The following HEG1 variants were observed in gnomAD, a reference collection of about 807,000 sequenced individuals.
HEG1 encodes the protein protein HEG homolog 1.
HEG1 carries 56 observed loss-of-function variants against 125.6 expected under a neutral mutation model. The observed-to-expected ratio is 0.45, with a 90% CI of 0.36 to 0.56. HEG1 has a LOEUF of 0.56. Among genes scored for constraint, HEG1 ranks in the 20% least tolerant of loss-of-function variants. The pLI, the probability that HEG1 is intolerant of heterozygous loss-of-function variation, is 0.00. For synonymous variants in HEG1, 644 were observed against 668.5 expected (o/e 0.96, Z 0.57); for missense variants, 1,523 against 1,670.0 (o/e 0.91, Z 1.53).
intron 1 of HEG1, among the ~76,000 whole-genome samples, chr3:125,042,165 T>G (rs1043336706): frequency 4.6e-5 from 7 of 152,250 alleles, no homozygotes; most frequent in African/African-American, 1.7e-4. Flanking sequence ...CAGTGGCTCA[T>G]GCCTGTAATC....
At chr3:125,045,587 G>A (rs1238947831) in intron 1 of HEG1, among the ~76,000 whole-genome samples, 1 of 152,172 alleles carries the variant, frequency 6.6e-6, no homozygotes, top group Non-Finnish European at 1.5e-5. Context: ...ACAGACAGAT[G>A]ACAGGACAGA....
intron 3 of HEG1, among the ~76,000 whole-genome samples, chr3:125,023,601 T>C (rs1051780916): frequency 1.3e-5 from 2 of 152,172 alleles, no homozygotes; most frequent in African/African-American, 4.8e-5. Flanking sequence ...AAAGAGAAAA[T>C]GTTTGGTCAA....
intron 1 of HEG1, among the ~76,000 whole-genome samples, chr3:125,053,638 C>T (rs752094540): frequency 2.0e-5 from 3 of 152,212 alleles, no homozygotes; most frequent in Non-Finnish European, 4.4e-5. Flanking sequence ...TACTCTCTCG[C>T]TGCTTTCTGG....
intron 4 of HEG1, among the ~76,000 whole-genome samples, 165 bp downstream of exon 4, chr3:125,020,627 G>T (rs1025300048): frequency 6.6e-6 from 1 of 152,148 alleles, no homozygotes; most frequent in Non-Finnish European, 1.5e-5. Context: ...ACACCTGTCT[G>T]ACTAACTTCA....
At chr3:124,973,623 T>A in intron 16 of HEG1, 108 bp downstream of exon 16, 1 of 818,604 alleles carries the variant, frequency 1.2e-6, no homozygotes, top group East Asian at 2.6e-5. Context: ...ATGCCACTAC[T>A]CTTTAACCCT....
chr3:124,987,290 T>C (rs564755183), intron 14 of HEG1, among the ~76,000 whole-genome samples: 322 of 152,294 alleles, frequency 2.1e-3, no homozygotes, highest in African/African-American at 7.4e-3. Flanking sequence ...CTGTCAGGGA[T>C]GAGAGGCCCC....
Position 124,966,518 on chromosome 3 carries a change from A to G in HEG1, c.*4134T>C, listed in dbSNP as rs1936316888. On this transcript the variant is annotated 3_prime_UTR_variant, in exon 17 of 17. Transcript: ENST00000311127. ...TCTATTTCCAAAAACACACATGAGA[A>G]CCTCAGAATGACACTTTGTTAAGGG... 1 of 152,202 alleles carries G rather than the reference A, an allele frequency of 6.6e-6. No homozygotes were observed. Among genetic ancestry groups the G allele is most frequent in the African/African-American group, 2.4e-5 (1 of 41,456 alleles). The allele number at this position is 152,202 out of a possible 1,614,324, so 9.4% of individuals were successfully genotyped here.
In HEG1 at chr3:125,019,296, G is replaced by A. The variant is rs756626503; in HGVS notation, c.1554C>T (p.Ser518=). 6 of 1,612,424 alleles carry A rather than the reference G, an allele frequency of 3.7e-6. No individual in the cohort carries two copies. The South Asian group carries it at 6.6e-5, about 18-fold the overall frequency. Residue 518 remains serine, a synonymous_variant, in exon 5 of 17, where the codon AGC becomes AGT. Coordinates refer to ENST00000311127, the MANE Select transcript of HEG1 (RefSeq NM_020733.2). ...SESSSTSSSE[S]LNSSAPRGER... ...CTCCACGTGGTGCTGATGAATTCAA[G>A]CTTTCCGAGGAAGATGTAGATGAAG...
In HEG1 at chr3:124,968,069, G is replaced by C. The variant is rs1441810019; in HGVS notation, c.*2583C>G. On this transcript the variant is annotated 3_prime_UTR_variant, in exon 17 of 17. Transcript: ENST00000311127. ...TCCTCTCACCTTCCCCCATCTGTGG[G>C]ATATTGGTGCAGGATTGTGGCATCT... The C allele has an allele frequency of 2.6e-5, 4 of 152,480 alleles. No homozygotes were observed. The highest frequency in any genetic ancestry group is 9.6e-5 in the African/African-American group (4 of 41,452). The allele number at this position is 152,480 out of a possible 1,614,324, so 9.4% of individuals were successfully genotyped here.
rs1291290020 is a variant in HEG1, at chr3:124,969,042, TAAG to T, written c.*1607_*1609del. 3.3e-5 allele frequency: 5 copies of T among 152,174 alleles called. No individual in the cohort carries two copies. Among genetic ancestry groups the T allele is most frequent in the African/African-American group, 1.2e-4 (5 of 41,424 alleles). 9.4% of individuals were successfully genotyped at this position (152,174 alleles called of 1,614,324 possible). Reference sequence around the variant, plus strand: ...AAAACCATCAGGGCCAAGGATTATGTAAGAATAGGGATTATATTTAGAGGACCT... The same window carrying T: ...AAAACCATCAGGGCCAAGGATTATGTAATAGGGATTATATTTAGAGGACCT... On this transcript the variant is annotated 3_prime_UTR_variant, in exon 17 of 17. Transcript: ENST00000311127.
rs994404472 is a variant in HEG1, at chr3:124,970,565, A to T, written c.*87T>A. Reference sequence around the variant, plus strand: ...TGCCACTCAGCGTGGCTCCCGACAAATCCTGGGCGCAGCCTCCTGGTGCGG... The same window carrying T: ...TGCCACTCAGCGTGGCTCCCGACAATTCCTGGGCGCAGCCTCCTGGTGCGG... On this transcript the variant is annotated 3_prime_UTR_variant, in exon 17 of 17. Coordinates refer to ENST00000311127, the MANE Select transcript of HEG1 (RefSeq NM_020733.2). 9.3e-6 allele frequency: 12 copies of T among 1,295,424 alleles called. No homozygotes were observed. The highest frequency in any genetic ancestry group is 6.8e-5 in the Admixed American group (3 of 44,278). The allele number at this position is 1,295,424 out of a possible 1,614,324, so 80.2% of individuals were successfully genotyped here.
intron 3 of HEG1, among the ~76,000 whole-genome samples, chr3:125,021,943 G>A (rs1937341469): frequency 6.6e-6 from 1 of 152,190 alleles, no homozygotes; most frequent in Non-Finnish European, 1.5e-5. Flanking sequence ...GACTCCAGGA[G>A]CATTTGCTCT....
intron 1 of HEG1, 130 bp from the exon 2 acceptor site, chr3:125,029,618 G>T (rs1579429356): frequency 2.4e-6 from 2 of 831,680 alleles, no homozygotes; most frequent in East Asian, 5.2e-5. Context: ...GGCCAGGCAT[G>T]ATGGCTCACA....
At chr3:124,997,172 T>C (rs1362334026) in intron 12 of HEG1, among the ~76,000 whole-genome samples, 2 of 152,098 alleles carry the variant, frequency 1.3e-5, no homozygotes, top group Non-Finnish European at 2.9e-5. Context: ...TTAGAATAAA[T>C]ATCCAATAGA....
chr3:125,043,683 C>T (rs1232571574), intron 1 of HEG1, among the ~76,000 whole-genome samples: 1 of 152,128 alleles, frequency 6.6e-6, no homozygotes, highest in Non-Finnish European at 1.5e-5. Context: ...AGCTCCCAGT[C>T]CCCTCTGGAC....
rs1470650663 is a variant in HEG1 at position 124,967,161 on chromosome 3, TA to T, written c.*3490del. On this transcript the variant is annotated 3_prime_UTR_variant, in exon 17 of 17. Transcript: ENST00000311127. ...CAAAGGAGGAAGATGTGTCAGCGTTTAAGACATTCCACTGAATATGTTCCCA... is the reference window on the plus strand; with the variant it reads ...CAAAGGAGGAAGATGTGTCAGCGTTTAGACATTCCACTGAATATGTTCCCA... The T allele has an allele frequency of 6.6e-6, 1 of 152,222 alleles. No homozygotes were observed. The highest frequency in any genetic ancestry group is 1.5e-5 in the Non-Finnish European group (1 of 68,038). 9.4% of individuals were successfully genotyped at this position (152,222 alleles called of 1,614,324 possible). A position where few individuals can be genotyped will look rare whatever the true frequency, so the allele number is the denominator to read the frequency against.
intron 8 of HEG1, among the ~76,000 whole-genome samples, chr3:125,006,314 T>C (rs1937070866): frequency 6.6e-6 from 1 of 152,246 alleles, no homozygotes; most frequent in Non-Finnish European, 1.5e-5. Context: ...CATCAATTTG[T>C]GCTGATTGAG....
At chr3:125,019,178 G>T in intron 5 of HEG1, 84 bp downstream of exon 5, 1 of 1,228,292 alleles carries the variant, frequency 8.1e-7, no homozygotes, top group Non-Finnish European at 1.2e-6. Context: ...CTCATGCGTG[G>T]TTTTAATACG....
rs753285835 is a variant in HEG1 at position 125,012,917 on chromosome 3, T to A, written c.2662A>T (p.Ile888Leu). ...TCTGTTGAGATTTGAGGAACTAGTA[T>A]TTCAGGATGGGTCAGCGAGAGCTGT... ...GKQLSLTHPEILVPQISTEGG... is the reference protein window; with the variant it reads ...GKQLSLTHPELLVPQISTEGG... The change falls in exon 6 of 17, where the codon ATA (isoleucine) becomes TTA (leucine). Residue 888 changes from isoleucine to leucine, a missense_variant. Coordinates refer to ENST00000311127, the MANE Select transcript of HEG1 (RefSeq NM_020733.2). 1.2e-6 allele frequency: 2 copies of A among 1,613,930 alleles called. No individual in the cohort carries two copies. Among genetic ancestry groups the A allele is most frequent in the African/African-American group, 2.7e-5 (2 of 74,940 alleles).
Sources: allele counts gnomAD v4.1 joint callset (sites outside exome capture counted in the v4.1 genomes callset), GRCh38; gene constraint gnomAD v4.1.1; transcripts MANE v1.5; gene names NCBI Gene and HGNC (gene_info 2026-07-23, HGNC 2026-07-21).